ASB5: variants seen among roughly 807,000 people sequenced by gnomAD.
ASB5 encodes ankyrin repeat and SOCS box protein 5.
ASB5 carries 45 observed loss-of-function variants against 42.1 expected under a neutral mutation model. That is an observed-to-expected ratio of 1.07 (90% CI 0.84 to 1.37). ASB5 has a LOEUF of 1.37. Ranked by LOEUF, ASB5 falls within the 40% of genes most tolerant of loss-of-function variation. The pLI is 0.00. For synonymous variants in ASB5, 147 were observed against 150.6 expected, an observed-to-expected ratio of 0.98 and a Z score of 0.18; for missense variants, 402 against 399.8, an observed-to-expected ratio of 1.01 and a Z score of -0.05.
intron 2 of ASB5, among the ~76,000 whole-genome samples, chr4:176,274,739 C>T (rs1754534561): frequency 6.6e-6 from 1 of 152,050 alleles, no homozygotes; most frequent in Non-Finnish European, 1.5e-5. Context: ...TCACCCAAAT[C>T]TTCTATGATT....
intron 2 of ASB5, among the ~76,000 whole-genome samples, chr4:176,274,668 G>A (rs953632977): frequency 6.6e-6 from 1 of 152,152 alleles, no homozygotes; most frequent in African/African-American, 2.4e-5. Context: ...TGCCCTGTGT[G>A]GGTTATAAAT....
chr4:176,273,300 C>T (rs1754508490), upstream of ASB5, among the ~76,000 whole-genome samples: 1 of 152,030 alleles, frequency 6.6e-6, no homozygotes, highest in African/African-American at 2.4e-5. Context: ...TGAATACAAA[C>T]TAAGAAAAGT....
At chr4:176,236,059 A>T (rs1579321274) in intron 1 of ASB5, among the ~76,000 whole-genome samples, 1 of 152,204 alleles carries the variant, frequency 6.6e-6, no homozygotes, top group East Asian at 1.9e-4. Context: ...AAAATTGTAT[A>T]GAAAATTAGA....
intron 1 of ASB5, among the ~76,000 whole-genome samples, chr4:176,248,014 A>G (rs1348350494): frequency 6.6e-6 from 1 of 152,256 alleles, no homozygotes; most frequent in African/African-American, 2.4e-5. Context: ...AGCACATTGC[A>G]AAGGAAGAAG....
intron 2 of ASB5, among the ~76,000 whole-genome samples, chr4:176,275,330 G>T (rs1754544834): frequency 6.6e-6 from 1 of 151,938 alleles, no homozygotes; most frequent in Non-Finnish European, 1.5e-5. Context: ...ATAAAATTGG[G>T]GTCTAGGAGG....
At chr4:176,217,167 T>C (rs996336365) in intron 5 of ASB5, among the ~76,000 whole-genome samples, 158 bp from the exon 6 acceptor site, 10 of 152,184 alleles carry the variant, frequency 6.6e-5, no homozygotes, top group African/African-American at 2.2e-4. Flanking sequence ...ATATACAGTA[T>C]CTACATACAC....
intron 3 of ASB5, 23 bp from the exon 4 acceptor site, chr4:176,221,623 A>G (rs1345995656): frequency 1.3e-6 from 2 of 1,576,858 alleles, no homozygotes; most frequent in Admixed American, 3.5e-5. Context: ...AAAATATCCA[A>G]ACATAAGATT....
intron 1 of ASB5, among the ~76,000 whole-genome samples, chr4:176,241,144 G>T (rs749037816): frequency 6.6e-6 from 1 of 151,858 alleles, no homozygotes. Context: ...AATTATAACC[G>T]CAATATCATA....
intron 1 of ASB5, among the ~76,000 whole-genome samples, chr4:176,245,513 G>A (rs1753893837): frequency 6.6e-6 from 1 of 152,286 alleles, no homozygotes; most frequent in South Asian, 2.1e-4. Flanking sequence ...TCTAGAACTA[G>A]ATATACCATT....
intron 2 of ASB5, among the ~76,000 whole-genome samples, chr4:176,222,827 G>C (rs1375903121): frequency 6.6e-6 from 1 of 152,246 alleles, no homozygotes; most frequent in East Asian, 1.9e-4. Flanking sequence ...ACCCAAGCTG[G>C]AGTGCAGTGG....
intron 1 of ASB5, among the ~76,000 whole-genome samples, chr4:176,251,627 T>G (rs1754038445): frequency 9.4e-6 from 1 of 106,172 alleles, no homozygotes; most frequent in African/African-American, 3.6e-5. Flanking sequence ...CTTAAAAGAT[T>G]AAGAATAAAA....
intron 6 of ASB5, among the ~76,000 whole-genome samples, chr4:176,216,089 C>T (rs1421113848): frequency 6.6e-6 from 1 of 151,792 alleles, no homozygotes; most frequent in East Asian, 1.9e-4. Context: ...AATATTTACC[C>T]TAAAAGAAAT....
At chr4:176,251,285 G>C (rs1452418661) in intron 1 of ASB5, among the ~76,000 whole-genome samples, 1 of 16,754 alleles carries the variant, frequency 6.0e-5, no homozygotes, top group African/African-American at 1.6e-4. Context: ...AAAGCAGGCC[G>C]GGCGCGGTGG....
chr4:176,252,209 T>G (rs1382990012), intron 1 of ASB5, among the ~76,000 whole-genome samples: 1 of 152,182 alleles, frequency 6.6e-6, no homozygotes, highest in East Asian at 1.9e-4. Flanking sequence ...TATGTCTGAT[T>G]AAGAAGAAGG....
In ASB5 at chr4:176,221,241, T is replaced by A. The variant is rs773073544; in HGVS notation, c.584A>T (p.Asp195Val). 2 of 1,614,146 alleles carry A rather than the reference T, an allele frequency of 1.2e-6. No homozygotes were observed. The highest frequency in any genetic ancestry group is 2.2e-5 in the South Asian group (2 of 91,076). ...DILISWGIDV[D>V]QEIPHLGTPL... ...AGTTCCCAAATGAGGAATTTCTTGGTCAACATCTATGCCCCAGGATATCAG... is the reference window on the plus strand; with the variant it reads ...AGTTCCCAAATGAGGAATTTCTTGGACAACATCTATGCCCCAGGATATCAG... Residue 195 changes from aspartate to valine, a missense_variant, in exon 5 of 7, where the codon GAC (aspartate) becomes GTC (valine). Physicochemically the swap from Asp to Val is radical, Grantham distance 152. Transcript: ENST00000296525.
At chr4:176,255,812 A>G (rs999504263) in intron 1 of ASB5, among the ~76,000 whole-genome samples, 6 of 152,224 alleles carry the variant, frequency 3.9e-5, no homozygotes, top group African/African-American at 7.2e-5. Flanking sequence ...TCAGCATCAT[A>G]CAACATACCC....
At chr4:176,262,532 G>A (rs765981233) in intron 1 of ASB5, among the ~76,000 whole-genome samples, 3 of 152,158 alleles carry the variant, frequency 2.0e-5, no homozygotes, top group Non-Finnish European at 2.9e-5. Context: ...GCATATCCTA[G>A]GCAGAACCAT....
chr4:176,266,594 A>T (rs1476936352), intron 1 of ASB5, among the ~76,000 whole-genome samples: 1 of 152,148 alleles, frequency 6.6e-6, no homozygotes, highest in Non-Finnish European at 1.5e-5. Flanking sequence ...TTTATAAGGT[A>T]CCTGATTTGC....
intron 1 of ASB5, among the ~76,000 whole-genome samples, chr4:176,229,271 G>T (rs1176490301): frequency 6.6e-6 from 1 of 152,116 alleles, no homozygotes; most frequent in African/African-American, 2.4e-5. Flanking sequence ...ACCAGATGTT[G>T]TTGGGAATGT....
Sources: allele counts gnomAD v4.1 joint callset (sites outside exome capture counted in the v4.1 genomes callset), GRCh38; gene constraint gnomAD v4.1.1; transcripts MANE v1.5; gene names NCBI Gene and HGNC (gene_info 2026-07-23, HGNC 2026-07-21).